Variants in EHD1 observed in about 807,000 individuals in gnomAD.
EHD1 encodes EH domain-containing protein 1.
EHD1 carries 19 observed loss-of-function variants against 39.0 expected under a neutral mutation model. The observed-to-expected ratio is 0.49, with a 90% CI of 0.34 to 0.72. EHD1 has a LOEUF of 0.72. Among genes scored for constraint, EHD1 ranks in the 30% least tolerant of loss-of-function variants. EHD1 has a pLI of 0.01. For synonymous variants in EHD1, 323 were observed against 331.2 expected, an observed-to-expected ratio of 0.98 and a Z score of 0.27; for missense variants, 542 against 751.5, an observed-to-expected ratio of 0.72 and a Z score of 3.26.
Position 64,875,014 on chromosome 11 carries a change from C to T in EHD1, c.405-496G>A, listed in dbSNP as rs148385742. On this transcript the variant is annotated intron_variant, in intron 1 of 4. Coordinates refer to ENST00000320631, the MANE Select transcript of EHD1 (RefSeq NM_006795.4). ...TGAGGGAATTGAAATGGACGGCTGG[C>T]AAAAGCTGGGGACCACACAGGCTGG... is the stretch of plus-strand genomic sequence containing the variant. 1.7e-3 allele frequency among the ~76,000 whole-genome samples: 257 copies of T among 152,302 alleles called. 2 individuals carry two copies. Among genetic ancestry groups the T allele is most frequent in the African/African-American group, 5.7e-3 (238 of 41,558 alleles).
At chr11:64,869,286 G>A (rs111248978) in intron 2 of EHD1, among the ~76,000 whole-genome samples, 29 of 152,372 alleles carry the variant, frequency 1.9e-4, no homozygotes, top group Middle Eastern at 3.4e-3. Flanking sequence ...AGAGGCTGAG[G>A]CCAAAAGCTG....
At chr11:64,878,660 T>G, upstream of EHD1, 13 of 1,334,106 alleles carry the variant, frequency 9.7e-6, no homozygotes, top group African/African-American at 4.7e-5. Flanking sequence ...ATAGGGTCGG[T>G]CCCTCAGTGG....
intron 3 of EHD1, 130 bp downstream of exon 3, chr11:64,859,794 C>G (rs909178182): frequency 7.7e-7 from 1 of 1,295,492 alleles, no homozygotes; most frequent in Non-Finnish European, 1.0e-6. Context: ...TAGAGGGAAA[C>G]AGCGCAGTGC....
intron 1 of EHD1, 198 bp downstream of exon 1, chr11:64,877,863 G>T: frequency 2.1e-6 from 1 of 465,424 alleles, no homozygotes; most frequent in Non-Finnish European, 3.6e-6. Context: ...TGGGGGAGCC[G>T]ACAACGCCCA....
In EHD1 at chr11:64,854,166, GC is replaced by G; in HGVS notation, c.*166del. ...CCATCCTCTCACCCCTGCCTCCCCC[GC>G]CAGGCCCAGGAACAGCCTTAAAAGA... On this transcript the variant is annotated 3_prime_UTR_variant, in exon 5 of 5. Transcript: ENST00000320631. 1 of 1,211,152 alleles carries G rather than the reference GC, an allele frequency of 8.3e-7. No homozygotes were observed. The highest frequency in any genetic ancestry group is 2.8e-4 in the Middle Eastern group (1 of 3,522). The allele number at this position is 1,211,152 out of a possible 1,614,324, so 75.0% of individuals were successfully genotyped here. A position where few individuals can be genotyped will look rare whatever the true frequency, so the allele number is the denominator to read the frequency against.
At chr11:64,878,677 G>C, upstream of EHD1, 18 of 1,356,662 alleles carry the variant, frequency 1.3e-5, no homozygotes, top group South Asian at 1.9e-5. Flanking sequence ...GTGGCGGCTA[G>C]CGCCGCCGCG....
intron 3 of EHD1, among the ~76,000 whole-genome samples, chr11:64,857,639 C>T (rs1943667774): frequency 6.6e-6 from 1 of 152,104 alleles, no homozygotes; most frequent in Non-Finnish European, 1.5e-5. Context: ...TCAGTTCTCA[C>T]TGCTCAGACC....
chr11:64,860,433 T>TA, intron 2 of EHD1, 97 bp from the exon 3 acceptor site: 4 of 1,455,560 alleles, frequency 2.7e-6, no homozygotes, highest in Admixed American at 2.6e-5. Flanking sequence ...CAGCCTGAGA[T>TA]AGTTTTTAAA....
At position 64,854,229 on chromosome 11, in the gene EHD1, A is replaced by G; in HGVS notation, c.*104T>C. ...TTTCCTTTTCGAGAGGCGAGGAAACATCCGCTCAGTCTTTATGGACCTTGA... is the reference window on the plus strand; with the variant it reads ...TTTCCTTTTCGAGAGGCGAGGAAACGTCCGCTCAGTCTTTATGGACCTTGA... On this transcript the variant is annotated 3_prime_UTR_variant, in exon 5 of 5. Transcript: ENST00000320631. 6.9e-7 allele frequency: 1 copy of G among 1,444,932 alleles called. No individual in the cohort carries two copies. The highest frequency in any genetic ancestry group is 2.7e-5 in the Admixed American group (1 of 36,956). 89.5% of individuals were successfully genotyped at this position (1,444,932 alleles called of 1,614,324 possible).
upstream of EHD1, chr11:64,879,066 C>T: frequency 1.0e-6 from 1 of 999,784 alleles, no homozygotes. Context: ...TCGGAATCCC[C>T]GGAAGCATCG....
In EHD1 at chr11:64,878,228, G is replaced by C; in HGVS notation, c.237C>G (p.Ile79Met). ...TGCGCATCCCCGGGAAGTCCTGCTC[G>C]ATCAGGTGTCGGATGAAGGTGGTCT... ...TGKTTFIRHL[I>M]EQDFPGMRIG... Residue 79 changes from isoleucine (I) to methionine (M), a missense_variant, in exon 1 of 5, where the codon ATC becomes ATG. Physicochemically the swap from Ile to Met is conservative, Grantham distance 10. Coordinates refer to ENST00000320631, the MANE Select transcript of EHD1 (RefSeq NM_006795.4). 1 of 1,613,534 alleles carries C rather than the reference G, an allele frequency of 6.2e-7. No homozygotes were observed. The highest frequency in any genetic ancestry group is 8.5e-7 in the Non-Finnish European group (1 of 1,179,510).
upstream of EHD1, chr11:64,878,954 C>A (rs1943924332): frequency 2.0e-6 from 2 of 1,007,792 alleles, no homozygotes; most frequent in Non-Finnish European, 1.2e-6. Context: ...GTGGCCCCCC[C>A]ACACCCCCGC....
Position 64,853,569 on chromosome 11 carries a change from T to A in EHD1, c.*764A>T, listed in dbSNP as rs1943607041. The A allele has an allele frequency of 6.5e-6, 1 of 152,672 alleles. No homozygotes were observed. The allele number at this position is 152,672 out of a possible 1,614,324, so 9.5% of individuals were successfully genotyped here. A position where few individuals can be genotyped will look rare whatever the true frequency, so the allele number is the denominator to read the frequency against. ...GGGAAGGGGAGACAAAAATCACAGC[T>A]TTTGAACAGTGGTTGGGAAGTTATT... On this transcript the variant is annotated 3_prime_UTR_variant, in exon 5 of 5. Transcript: ENST00000320631.
At position 64,852,278 on chromosome 11, in the gene EHD1, T is replaced by G. The variant is rs945616662; in HGVS notation, c.*2055A>C. On this transcript the variant is annotated 3_prime_UTR_variant, in exon 5 of 5. Transcript: ENST00000320631. Reference sequence around the variant, plus strand: ...TTTGTCACAGGCTATCTGCTTTGTCTTCAGAGGCCCGGCTTCCCTGTACTT... The same window carrying G: ...TTTGTCACAGGCTATCTGCTTTGTCGTCAGAGGCCCGGCTTCCCTGTACTT... 1.3e-5 allele frequency: 2 copies of G among 152,254 alleles called. No homozygotes were observed. The highest frequency in any genetic ancestry group is 2.9e-5 in the Non-Finnish European group (2 of 68,078). The allele number at this position is 152,254 out of a possible 1,614,324, so 9.4% of individuals were successfully genotyped here. A position where few individuals can be genotyped will look rare whatever the true frequency, so the allele number is the denominator to read the frequency against.
At chr11:64,869,454 T>C (rs939945732) in intron 2 of EHD1, among the ~76,000 whole-genome samples, 53 of 152,346 alleles carry the variant, frequency 3.5e-4, no homozygotes, top group African/African-American at 1.2e-3. Flanking sequence ...CTCCCCAGGA[T>C]GTTACTCAGA....
chr11:64,879,485 TG>T, upstream of EHD1: 2 of 1,405,406 alleles, frequency 1.4e-6, no homozygotes, highest in Non-Finnish European at 9.7e-7. Context: ...AGGGGAAGTG[TG>T]GGGGCAACAA....
chr11:64,871,199 G>A (rs1436147849), intron 2 of EHD1, among the ~76,000 whole-genome samples: 1 of 152,208 alleles, frequency 6.6e-6, no homozygotes, highest in East Asian at 1.9e-4. Context: ...GGGCTGGCAG[G>A]CCAGGGGAGG....
rs1248674937 is a variant in EHD1, at chr11:64,860,048, A to T, written c.791T>A (p.Ile264Asn). Residue 264 changes from isoleucine to asparagine, a missense_variant, in exon 3 of 5, where the codon ATC becomes AAC. Coordinates refer to ENST00000320631, the MANE Select transcript of EHD1 (RefSeq NM_006795.4). ...IGSFWSHPLL[I>N]PDNRKLFEAE... ...CTCAAAGAGCTTGCGGTTGTCGGGG[A>T]TGAGGAGCGGGTGGGACCAGAAGGA... 1 of 1,614,076 alleles carries T rather than the reference A, an allele frequency of 6.2e-7. No individual in the cohort carries two copies. The highest frequency in any genetic ancestry group is 1.3e-5 in the African/African-American group (1 of 75,026).
intron 1 of EHD1, 27 bp downstream of exon 1, chr11:64,878,034 C>T (rs557828763): frequency 1.3e-6 from 2 of 1,484,770 alleles, no homozygotes; most frequent in East Asian, 2.4e-5. Flanking sequence ...GACGCGCCCC[C>T]CGCCCCCTGG....
Sources: gnomAD v4.1 joint callset for allele counts (sites outside exome capture counted in the v4.1 genomes callset) on GRCh38, gnomAD v4.1.1 for gene constraint, MANE v1.5 for transcripts, NCBI Gene and HGNC (gene_info 2026-07-23, HGNC 2026-07-21) for gene names.